Variants in SV2C observed in about 807,000 individuals in gnomAD.
The protein encoded by SV2C is solute carrier family 22 member B3.
Under a neutral mutation model 79.7 loss-of-function variants are expected in SV2C, and 49 were observed. That is an observed-to-expected ratio of 0.61 (90% CI 0.49 to 0.78). The LOEUF is 0.78. Among genes scored for constraint, SV2C ranks in the 30% least tolerant of loss-of-function variants. The probability of loss-of-function intolerance (pLI) is 0.00; values close to 1 mark genes in which losing one functional copy is unlikely to be tolerated. For missense variants in SV2C, 833 were observed against 912.9 expected, an observed-to-expected ratio of 0.91 and a Z score of 1.13; for synonymous variants, 334 against 333.2, an observed-to-expected ratio of 1.00 and a Z score of -0.03.
At chr5:75,882,793 A>C in the SV2C span, among the ~76,000 whole-genome samples, 1 of 151,792 alleles carries the variant, frequency 6.6e-6, no homozygotes. Flanking sequence ...AAACCATAAA[A>C]AAAAAAACTC....
At chr5:75,916,797 GC>G in the SV2C span, among the ~76,000 whole-genome samples, 17,486 of 152,100 alleles carry the variant, frequency 0.11, 1,061 homozygotes, top group East Asian at 0.16. Context: ...TTTACCTCCA[GC>G]ACTTACACCT....
chr5:75,935,151 T>C, the SV2C span, among the ~76,000 whole-genome samples: 383 of 152,322 alleles, frequency 2.5e-3, 5 homozygotes, highest in East Asian at 0.02. Flanking sequence ...TGCTCTAAAA[T>C]AGATATTCAA....
the SV2C span, among the ~76,000 whole-genome samples, chr5:76,000,723 C>T: frequency 1.3e-4 from 20 of 152,256 alleles, no homozygotes; most frequent in Middle Eastern, 3.4e-3. Context: ...AGCTAACACT[C>T]CTTGCTTGAT....
the SV2C span, among the ~76,000 whole-genome samples, chr5:75,935,072 C>T: frequency 6.6e-6 from 1 of 152,024 alleles, no homozygotes; most frequent in Non-Finnish European, 1.5e-5. Context: ...TATATGGTTA[C>T]AGTTTATATA....
At chr5:76,337,419 A>G (rs144962533), downstream of SV2C, among the ~76,000 whole-genome samples, 279 of 152,298 alleles carry the variant, frequency 1.8e-3, 1 homozygote, top group African/African-American at 6.4e-3. Context: ...TCCAAACTCA[A>G]TCACATTCTG....
chr5:75,985,093 T>C, the SV2C span, among the ~76,000 whole-genome samples: 1 of 151,520 alleles, frequency 6.6e-6, no homozygotes. Context: ...CTGGTGAGGG[T>C]CTCCGGCTGC....
the SV2C span, among the ~76,000 whole-genome samples, chr5:75,909,461 C>T: frequency 3.3e-5 from 5 of 152,204 alleles, no homozygotes; most frequent in African/African-American, 1.2e-4. Flanking sequence ...TTTCTGTTGA[C>T]ATACTGTAGG....
At chr5:76,043,541 C>A in the SV2C span, among the ~76,000 whole-genome samples, 1 of 152,198 alleles carries the variant, frequency 6.6e-6, no homozygotes, top group Non-Finnish European at 1.5e-5. Flanking sequence ...TAGGAGACCC[C>A]AAAATATACT....
intron 2 of SV2C, among the ~76,000 whole-genome samples, chr5:76,172,385 CT>C (rs1743326527): frequency 1.4e-5 from 1 of 70,924 alleles, no homozygotes; most frequent in Non-Finnish European, 2.8e-5. Flanking sequence ...TGAGGAGCCC[CT>C]CTGCCCGGCC....
At chr5:76,351,142 C>T (rs574632864) in intron 12 of SV2C, among the ~76,000 whole-genome samples, 1 of 152,262 alleles carries the variant, frequency 6.6e-6, no homozygotes, top group East Asian at 1.9e-4. Context: ...GGCCATTGAC[C>T]TGAATAACAA....
chr5:76,170,740 C>T lies in SV2C; in HGVS notation c.581-24179C>T, dbSNP rs568518651. 8.7e-4 allele frequency among the ~76,000 whole-genome samples: 130 copies of T among 149,860 alleles called. 4 individuals carry two copies. Among genetic ancestry groups the T allele is most frequent in the African/African-American group, 2.7e-3 (112 of 41,342 alleles). ...CATATTTTAAAGACAAGATCACTGT[C>T]TCCACAGGTTTTTTAAAAATTAAAA... On this transcript the variant is annotated intron_variant, in intron 2 of 12. Coordinates refer to ENST00000502798, the MANE Select transcript of SV2C (RefSeq NM_014979.4).
intron 8 of SV2C, among the ~76,000 whole-genome samples, chr5:76,292,440 G>A (rs1318257613): frequency 6.6e-6 from 1 of 152,056 alleles, no homozygotes; most frequent in East Asian, 1.9e-4. Flanking sequence ...TAAAGCTCTG[G>A]CTTCCCTCTC....
chr5:76,338,862 G>A (rs537982530), downstream of SV2C, among the ~76,000 whole-genome samples: 1 of 151,964 alleles, frequency 6.6e-6, no homozygotes, highest in Admixed American at 6.6e-5. Flanking sequence ...TCACCATGTT[G>A]GTCAGGCTGG....
chr5:76,136,688 C>T (rs1462952446), intron 2 of SV2C, among the ~76,000 whole-genome samples: 1 of 152,106 alleles, frequency 6.6e-6, no homozygotes, highest in Non-Finnish European at 1.5e-5. Flanking sequence ...TGTAACAAAC[C>T]TTCACATTCT....
chr5:76,325,332 C>G (rs759562472), intron 12 of SV2C, 32 bp from the exon 13 acceptor site: 1 of 1,606,710 alleles, frequency 6.2e-7, no homozygotes, highest in South Asian at 1.1e-5. Flanking sequence ...GAGGCATTTT[C>G]TCAACCTTGT....
chr5:75,901,098 C>G, the SV2C span, among the ~76,000 whole-genome samples: 13 of 152,244 alleles, frequency 8.5e-5, no homozygotes, highest in Admixed American at 6.5e-4. Context: ...CAAAGTCATT[C>G]TCCGTCCAGC....
chr5:75,873,967 AC>A, the SV2C span, among the ~76,000 whole-genome samples: 2 of 152,176 alleles, frequency 1.3e-5, no homozygotes, highest in Non-Finnish European at 2.9e-5. Flanking sequence ...GCCGAATTCT[AC>A]CAGACATACA....
chr5:76,291,236 A>G lies in SV2C; in HGVS notation c.1153A>G (p.Thr385Ala). The change falls in exon 7 of 13, where the codon ACT (threonine) becomes GCT (alanine). Residue 385 changes from threonine (T) to alanine (A), a missense_variant. Coordinates refer to ENST00000502798, the MANE Select transcript of SV2C (RefSeq NM_014979.4). ...EKVFTVNKIK[T>A]PKQIDELIEI... is the part of the protein sequence containing the mutation. ...CTCTCTACAGGTAAACAAAATAAAAACTCCTAAACAAATAGATGAGCTGAT... is the reference window on the plus strand; with the variant it reads ...CTCTCTACAGGTAAACAAAATAAAAGCTCCTAAACAAATAGATGAGCTGAT... The G allele has an allele frequency of 1.2e-6, 2 of 1,610,126 alleles. No individual in the cohort carries two copies. The highest frequency in any genetic ancestry group is 1.7e-6 in the Non-Finnish European group (2 of 1,178,738).
the SV2C span, among the ~76,000 whole-genome samples, chr5:76,069,778 T>C: frequency 6.6e-6 from 1 of 151,662 alleles, no homozygotes; most frequent in South Asian, 2.1e-4. Flanking sequence ...TCTTCCAACC[T>C]CTCTCCTCTC....
Sources: allele counts gnomAD v4.1 joint callset (sites outside exome capture counted in the v4.1 genomes callset), GRCh38; gene constraint gnomAD v4.1.1; transcripts MANE v1.5; gene names NCBI Gene and HGNC (gene_info 2026-07-23, HGNC 2026-07-21).